The following DNAH5 variants were observed in gnomAD, a reference collection of about 807,000 sequenced individuals.
DNAH5 encodes the protein dynein axonemal heavy chain 5.
In DNAH5, 372 loss-of-function variants were observed where a neutral mutation model predicts 518.2. The ratio of observed to expected loss-of-function variants is 0.72; its 90% CI spans 0.66 to 0.78. The LOEUF is 0.78. DNAH5 is among the 30% of genes least tolerant of loss of function. The pLI, the probability that DNAH5 is intolerant of heterozygous loss-of-function variation, is 0.00. For missense variants in DNAH5, 5,523 were observed against 5,687.0 expected (o/e 0.97, Z 0.93); for synonymous variants, 2,039 against 2,025.9 (o/e 1.01, Z -0.17).
intron 22 of DNAH5, among the ~76,000 whole-genome samples, chr5:13,875,465 CA>C (rs70964513): frequency 0.12 from 13,001 of 105,728 alleles, 501 homozygotes; most frequent in Non-Finnish European, 0.13. Flanking sequence ...GAAACTCCTT[CA>C]AAAAAAAAAA....
chr5:13,830,524 T>C, intron 36 of DNAH5, 73 bp downstream of exon 36: 1 of 1,564,686 alleles, frequency 6.4e-7, no homozygotes, highest in Non-Finnish European at 8.8e-7. Flanking sequence ...TGGCCAATTG[T>C]TGAAAACAAA....
intron 78 of DNAH5, among the ~76,000 whole-genome samples, chr5:13,693,727 T>C (rs1318618961): frequency 1.3e-5 from 2 of 152,164 alleles, no homozygotes; most frequent in African/African-American, 4.8e-5. Flanking sequence ...AATATGTCAA[T>C]AGTACCAAGA....
chr5:13,919,404 A>G (rs759772847), intron 6 of DNAH5, 52 bp from the exon 7 acceptor site: 32 of 1,599,396 alleles, frequency 2.0e-5, no homozygotes, highest in Non-Finnish European at 2.6e-5. Context: ...TGGAGACGCT[A>G]AAGTTATAAA....
intron 58 of DNAH5, among the ~76,000 whole-genome samples, chr5:13,767,335 G>A (rs1036456629): frequency 1.3e-5 from 2 of 152,180 alleles, no homozygotes; most frequent in Non-Finnish European, 2.9e-5. Context: ...ATGTTGGCCA[G>A]GCTGGTCTCA....
At chr5:13,814,216 C>A (rs1761106794) in intron 43 of DNAH5, among the ~76,000 whole-genome samples, 1 of 152,094 alleles carries the variant, frequency 6.6e-6, no homozygotes, top group African/African-American at 2.4e-5. Context: ...AAACTGACTC[C>A]AAGTTAATGT....
intron 1 of DNAH5, among the ~76,000 whole-genome samples, chr5:13,979,611 A>G (rs375884616): frequency 1.3e-5 from 2 of 152,064 alleles, no homozygotes; most frequent in African/African-American, 2.4e-5. Context: ...TATGACTTCC[A>G]TTGCATTCTC....
Position 13,793,563 on chromosome 5 carries a change from T to C in DNAH5, c.8176A>G (p.Ile2726Val), listed in dbSNP as rs756343680. The C allele has an allele frequency of 2.5e-6, 4 of 1,614,126 alleles. No homozygotes were observed. In the South Asian group the frequency reaches 3.3e-5, roughly 13 times the overall value. Residue 2726 changes from isoleucine to valine, a missense_variant, in exon 49 of 79, where the codon ATA (isoleucine) becomes GTA (valine). Ile to Val is a conservative substitution (Grantham distance 29). Transcript: ENST00000265104. ...TCAGAGGGCAACGTGCAATTAAATA[T>C]AGAGAACTGCCTCTTGAGTCTTTGG... ...IPQRLKRQFS[I>V]FNCTLPSEAS...
At chr5:13,713,434 CATATATATATATAT>C (rs200836910) in intron 75 of DNAH5, among the ~76,000 whole-genome samples, 761 of 70,656 alleles carry the variant, frequency 0.011, 27 homozygotes, top group African/African-American at 0.042. Context: ...TATACATCGA[CATATATATATATAT>C]ATATATATAT....
At chr5:13,766,245 G>T in intron 58 of DNAH5, 66 bp from the exon 59 acceptor site, 1 of 1,540,758 alleles carries the variant, frequency 6.5e-7, no homozygotes, top group Non-Finnish European at 9.0e-7. Context: ...AACCTTGCAT[G>T]TCCAAATGCT....
At chr5:13,876,885 A>G (rs1388027916) in intron 21 of DNAH5, 68 bp from the exon 22 acceptor site, 21 of 1,508,098 alleles carry the variant, frequency 1.4e-5, no homozygotes, top group Non-Finnish European at 1.8e-5. Flanking sequence ...GGAGATGAGG[A>G]TATTTCTGTG....
rs1233070395 is a variant in DNAH5, at chr5:13,830,492, A to T, written c.6061+105T>A. On this transcript the variant is annotated intron_variant, in intron 36 of 78. Coordinates refer to ENST00000265104, the MANE Select transcript of DNAH5 (RefSeq NM_001369.3). The stretch of plus-strand genomic sequence containing the variant: ...GAAGATTTTCCAAAAAATTTTACAA[A>T]GTTGAAAATGATTCTAAAATGTGGC... 5 of 1,400,596 alleles carry T rather than the reference A, an allele frequency of 3.6e-6. No individual in the cohort carries two copies. In the African/African-American group the frequency reaches 7.1e-5, roughly 20 times the overall value. The allele number at this position is 1,400,596 out of a possible 1,614,324, so 86.8% of individuals were successfully genotyped here. A position where few individuals can be genotyped will look rare whatever the true frequency, so the allele number is the denominator to read the frequency against.
At chr5:13,985,494 G>A (rs948751033) in intron 1 of DNAH5, among the ~76,000 whole-genome samples, 2 of 145,720 alleles carry the variant, frequency 1.4e-5, no homozygotes, top group African/African-American at 2.5e-5. Context: ...CCTCCCAAGA[G>A]CTTCCAGAAA....
intron 64 of DNAH5, among the ~76,000 whole-genome samples, chr5:13,751,467 A>G (rs1306518456): frequency 6.6e-6 from 1 of 152,212 alleles, no homozygotes; most frequent in African/African-American, 2.4e-5. Flanking sequence ...GAAGAAACAT[A>G]TATATACACA....
rs78384745 is a variant in DNAH5, at chr5:13,951,956, A to G, written c.13-20712T>C. Among the ~76,000 whole-genome samples, 19 of 152,356 alleles carry G rather than the reference A, an allele frequency of 1.2e-4. No homozygotes were observed. The East Asian group carries it at 3.7e-3, about 29-fold the overall frequency. ...ATATCATGAAAATGGTAACTTCAAA[A>G]TCATGTTGTCTTCCTATAGAAAGAT... On this transcript the variant is annotated intron_variant, in intron 1 of 78. Coordinates refer to the DNAH5 transcript ENST00000681290.
chr5:13,862,419 A>G (rs1171910082), intron 29 of DNAH5, 129 bp downstream of exon 29: 15 of 914,874 alleles, frequency 1.6e-5, no homozygotes, highest in Middle Eastern at 2.5e-4. Flanking sequence ...AATCAATGTA[A>G]TTAAAACAAG....
intron 21 of DNAH5, among the ~76,000 whole-genome samples, chr5:13,880,708 A>G (rs775424319): frequency 1.9e-4 from 29 of 151,986 alleles, no homozygotes; most frequent in Non-Finnish European, 2.7e-4. Context: ...AAAAGAAAAA[A>G]AAAGATCCAA....
chr5:13,896,996 T>C (rs922962131), intron 15 of DNAH5, among the ~76,000 whole-genome samples: 4 of 152,196 alleles, frequency 2.6e-5, no homozygotes, highest in Non-Finnish European at 4.4e-5. Flanking sequence ...AAAATGTCCC[T>C]TTGATAGATA....
intron 64 of DNAH5, 40 bp from the exon 65 acceptor site, chr5:13,751,300 A>T: frequency 6.6e-7 from 1 of 1,513,402 alleles, no homozygotes; most frequent in Non-Finnish European, 9.0e-7. Flanking sequence ...TAAAATAGAG[A>T]TATACCTTAC....
chr5:13,840,490 A>C (rs1173515167), intron 34 of DNAH5, among the ~76,000 whole-genome samples: 2 of 152,218 alleles, frequency 1.3e-5, no homozygotes. Context: ...AAACTTGTTA[A>C]GAATGTGATT....
Sources: allele counts gnomAD v4.1 joint callset (sites outside exome capture counted in the v4.1 genomes callset), GRCh38; gene constraint gnomAD v4.1.1; transcripts MANE v1.5; gene names NCBI Gene and HGNC (gene_info 2026-07-23, HGNC 2026-07-21).